The following KCNT2 variants were observed in gnomAD, a reference collection of about 807,000 sequenced individuals.
KCNT2 encodes the protein potassium channel subfamily T member 2.
Under a neutral mutation model 153.8 loss-of-function variants are expected in KCNT2, and 67 were observed. The observed-to-expected ratio is 0.44, with a 90% CI of 0.36 to 0.53. KCNT2 has a LOEUF of 0.53. KCNT2 is among the 20% of genes least tolerant of loss of function. The pLI is 0.00. For missense variants in KCNT2, 975 were observed against 1,354.8 expected, an observed-to-expected ratio of 0.72 and a Z score of 4.40; for synonymous variants, 500 against 458.8, an observed-to-expected ratio of 1.09 and a Z score of -1.15.
At chr1:196,410,659 C>T (rs939282156) in intron 12 of KCNT2, among the ~76,000 whole-genome samples, 15 of 150,612 alleles carry the variant, frequency 1.0e-4, no homozygotes, top group Non-Finnish European at 2.2e-4. Context: ...TAGTAGTAGT[C>T]GCTAACTTTC....
chr1:196,533,438 G>A (rs979997541), intron 1 of KCNT2, among the ~76,000 whole-genome samples: 1 of 152,058 alleles, frequency 6.6e-6, no homozygotes, highest in African/African-American at 2.4e-5. Flanking sequence ...TTCCAGAGAA[G>A]CAACTATAAA....
intron 14 of KCNT2, among the ~76,000 whole-genome samples, chr1:196,357,826 T>C (rs1667295104): frequency 6.6e-6 from 1 of 151,882 alleles, no homozygotes; most frequent in South Asian, 2.1e-4. Flanking sequence ...TGTGACTATA[T>C]TCCTTTATAT....
At chr1:196,604,905 G>A (rs1665146568) in intron 1 of KCNT2, among the ~76,000 whole-genome samples, 1 of 152,044 alleles carries the variant, frequency 6.6e-6, no homozygotes, top group Non-Finnish European at 1.5e-5. Flanking sequence ...TACACAAAAG[G>A]TGGCACAATA....
chr1:196,510,390 C>T (rs1681513356), intron 1 of KCNT2, among the ~76,000 whole-genome samples: 1 of 152,112 alleles, frequency 6.6e-6, no homozygotes, highest in East Asian at 1.9e-4. Context: ...AATGAAACTG[C>T]TCCAGGCAGT....
chr1:196,352,033 C>G (rs534720638), intron 14 of KCNT2, among the ~76,000 whole-genome samples: 3 of 152,212 alleles, frequency 2.0e-5, no homozygotes, highest in South Asian at 2.1e-4. Context: ...ATTGAACCAG[C>G]CTTGCATCCC....
intron 16 of KCNT2, among the ~76,000 whole-genome samples, chr1:196,339,482 A>G (rs1265585742): frequency 6.7e-6 from 1 of 150,316 alleles, no homozygotes; most frequent in African/African-American, 2.4e-5. Context: ...TTACAAGTGT[A>G]TGGTGCACAC....
intron 1 of KCNT2, among the ~76,000 whole-genome samples, chr1:196,539,269 T>G (rs1366058527): frequency 6.6e-6 from 1 of 152,218 alleles, no homozygotes; most frequent in African/African-American, 2.4e-5. Flanking sequence ...CGTTAACTAA[T>G]TCAATAAATA....
intron 14 of KCNT2, among the ~76,000 whole-genome samples, chr1:196,352,132 T>A (rs941931472): frequency 6.6e-6 from 1 of 152,082 alleles, no homozygotes; most frequent in Non-Finnish European, 1.5e-5. Context: ...GATTTTTGCA[T>A]CAATGTTCAT....
chr1:196,402,195 A>C (rs957587551), intron 12 of KCNT2, among the ~76,000 whole-genome samples: 4 of 151,580 alleles, frequency 2.6e-5, no homozygotes, highest in Admixed American at 6.6e-5. Flanking sequence ...AAACTATATA[A>C]ACTCAAGAAA....
intron 21 of KCNT2, among the ~76,000 whole-genome samples, chr1:196,306,807 T>C (rs1325195857): frequency 6.6e-6 from 1 of 151,990 alleles, no homozygotes; most frequent in Admixed American, 6.6e-5. Context: ...GGACTAACAT[T>C]GGGCCTTACC....
intron 26 of KCNT2, among the ~76,000 whole-genome samples, chr1:196,255,179 G>GA (rs999994190): frequency 2.0e-5 from 3 of 151,376 alleles, no homozygotes; most frequent in Non-Finnish European, 3.0e-5. Context: ...GTTATTAACA[G>GA]AAAAAAAATT....
chr1:196,566,412 G>A (rs939930800), intron 1 of KCNT2, among the ~76,000 whole-genome samples: 10 of 151,986 alleles, frequency 6.6e-5, no homozygotes, highest in Non-Finnish European at 1.2e-4. Context: ...AAGGAATGGG[G>A]ATACACAATA....
chr1:196,260,119 C>A (rs1656872068), intron 25 of KCNT2, among the ~76,000 whole-genome samples: 1 of 151,732 alleles, frequency 6.6e-6, no homozygotes, highest in Admixed American at 6.6e-5. Flanking sequence ...TAATCATAAT[C>A]TTAAATTTAT....
intron 1 of KCNT2, among the ~76,000 whole-genome samples, chr1:196,493,955 T>C (rs1156786562): frequency 2.0e-5 from 3 of 152,342 alleles, no homozygotes; most frequent in African/African-American, 4.8e-5. Context: ...AGACTAGAAG[T>C]TGGAAAAGTT....
chr1:196,471,798 T>A (rs997807889), intron 5 of KCNT2, among the ~76,000 whole-genome samples: 1 of 152,172 alleles, frequency 6.6e-6, no homozygotes. Flanking sequence ...TCTGTCTAGG[T>A]TGGGTTTGTT....
In KCNT2 at chr1:196,226,971, C is replaced by T. The variant is rs995506627; in HGVS notation, c.*1253G>A. The T allele has an allele frequency of 7.2e-5, 11 of 151,866 alleles. No homozygotes were observed. Among genetic ancestry groups the T allele is most frequent in the Non-Finnish European group, 1.6e-4 (11 of 67,822 alleles). 9.4% of individuals were successfully genotyped at this position (151,866 alleles called of 1,614,324 possible). A position where few individuals can be genotyped will look rare whatever the true frequency, so the allele number is the denominator to read the frequency against. ...ACGCATACTCTTGTGCTCTTTTGATCTATTTCTCTAGGGGGAAAATGCAAT... is the reference window on the plus strand; with the variant it reads ...ACGCATACTCTTGTGCTCTTTTGATTTATTTCTCTAGGGGGAAAATGCAAT... On this transcript the variant is annotated 3_prime_UTR_variant, in exon 28 of 28. Transcript: ENST00000294725.
intron 22 of KCNT2, among the ~76,000 whole-genome samples, chr1:196,297,132 G>A (rs1435783868): frequency 6.6e-6 from 1 of 151,404 alleles, no homozygotes; most frequent in African/African-American, 2.4e-5. Flanking sequence ...CTCTCTTTCT[G>A]TAGATGTGTG....
At chr1:196,264,613 AT>A (rs1657353122) in intron 25 of KCNT2, among the ~76,000 whole-genome samples, 1 of 151,624 alleles carries the variant, frequency 6.6e-6, no homozygotes, top group Non-Finnish European at 1.5e-5. Context: ...CAATATATAT[AT>A]TTTTTTAATT....
intron 1 of KCNT2, among the ~76,000 whole-genome samples, chr1:196,536,010 C>T (rs867714650): frequency 6.6e-6 from 1 of 152,238 alleles, no homozygotes; most frequent in African/African-American, 2.4e-5. Context: ...TGAGGGCATC[C>T]TCCAGGCAGG....
Sources: allele counts gnomAD v4.1 joint callset (sites outside exome capture counted in the v4.1 genomes callset), GRCh38; gene constraint gnomAD v4.1.1; transcripts MANE v1.5; gene names NCBI Gene and HGNC (gene_info 2026-07-23, HGNC 2026-07-21).